Variants in MBOAT2 observed in about 807,000 individuals in gnomAD.
MBOAT2 encodes membrane-bound glycerophospholipid O-acyltransferase 2.
A neutral mutation model predicts 63.4 loss-of-function variants in MBOAT2; 28 were observed. The observed-to-expected ratio is 0.44, with a 90% CI of 0.33 to 0.61. MBOAT2 has a LOEUF of 0.61. Among genes scored for constraint, MBOAT2 ranks in the 20% least tolerant of loss-of-function variants. The probability of loss-of-function intolerance (pLI) is 0.03; values close to 1 mark genes in which losing one functional copy is unlikely to be tolerated. For missense variants in MBOAT2, 470 were observed against 605.8 expected (o/e 0.78, Z 2.35); for synonymous variants, 211 against 215.6 (o/e 0.98, Z 0.19).
intron 1 of MBOAT2, among the ~76,000 whole-genome samples, chr2:8,987,661 C>G (rs1212888473): frequency 6.6e-6 from 1 of 152,178 alleles, no homozygotes; most frequent in Non-Finnish European, 1.5e-5. Context: ...ACATGTCAGA[C>G]AGTGGATGCT....
Position 8,982,156 on chromosome 2 carries a change from A to C in MBOAT2, c.75+21384T>G, listed in dbSNP as rs1208405946. 5.3e-5 allele frequency among the ~76,000 whole-genome samples: 8 copies of C among 152,140 alleles called. No individual in the cohort carries two copies. The East Asian group carries it at 1.5e-3, about 29-fold the overall frequency. ...TCTCAATACAGTACCTGGCACATGAAAACGCTAATGTATGACCCACCATTA... is the reference window on the plus strand; with the variant it reads ...TCTCAATACAGTACCTGGCACATGACAACGCTAATGTATGACCCACCATTA... On this transcript the variant is annotated intron_variant, in intron 1 of 12. Transcript: ENST00000305997.
At chr2:8,918,287 A>T (rs1387235922) in intron 3 of MBOAT2, among the ~76,000 whole-genome samples, 1 of 152,242 alleles carries the variant, frequency 6.6e-6, no homozygotes, top group African/African-American at 2.4e-5. Context: ...ATTCCTTCTT[A>T]TCCTGGGGTC....
chr2:8,979,053 T>G (rs1239819958), intron 1 of MBOAT2, among the ~76,000 whole-genome samples: 1 of 152,144 alleles, frequency 6.6e-6, no homozygotes, highest in African/African-American at 2.4e-5. Context: ...GTCTTCAAAT[T>G]ATGCTTCTAA....
At chr2:8,915,940 T>A (rs1025771194) in intron 3 of MBOAT2, among the ~76,000 whole-genome samples, 1 of 152,190 alleles carries the variant, frequency 6.6e-6, no homozygotes, top group Non-Finnish European at 1.5e-5. Context: ...GGTATCCCCA[T>A]CACTGTCATC....
intron 4 of MBOAT2, among the ~76,000 whole-genome samples, chr2:8,898,179 T>C (rs1047307637): frequency 6.6e-6 from 1 of 152,186 alleles, no homozygotes; most frequent in Non-Finnish European, 1.5e-5. Flanking sequence ...TTTTGTCCTG[T>C]CGGAAGGCTT....
chr2:8,959,745 G>A (rs1048839067), intron 1 of MBOAT2, among the ~76,000 whole-genome samples: 7 of 152,134 alleles, frequency 4.6e-5, no homozygotes, highest in Admixed American at 2.6e-4. Context: ...TAATAGGCAT[G>A]AACAATCACA....
At chr2:8,968,735 C>T (rs1670205283) in intron 1 of MBOAT2, among the ~76,000 whole-genome samples, 1 of 152,106 alleles carries the variant, frequency 6.6e-6, no homozygotes. Flanking sequence ...GATGAATGCA[C>T]AAGCTTCAGT....
At chr2:8,948,406 G>A (rs1449702400) in intron 2 of MBOAT2, among the ~76,000 whole-genome samples, 1 of 152,112 alleles carries the variant, frequency 6.6e-6, no homozygotes, top group Non-Finnish European at 1.5e-5. Flanking sequence ...ATTCCATAAT[G>A]ATGAGGTTTA....
intron 4 of MBOAT2, among the ~76,000 whole-genome samples, chr2:8,903,077 C>T (rs533502843): frequency 1.4e-4 from 21 of 152,272 alleles, no homozygotes; most frequent in Admixed American, 5.2e-4. Flanking sequence ...GAGCTAGACA[C>T]AAAAGTTCTC....
intron 1 of MBOAT2, among the ~76,000 whole-genome samples, chr2:8,989,838 T>A (rs1020017713): frequency 1.2e-4 from 18 of 152,296 alleles, no homozygotes; most frequent in African/African-American, 4.1e-4. Context: ...ACAATCCAGA[T>A]AACCAACACC....
rs942408167 is a variant in MBOAT2, at chr2:8,854,058, G to A, written c.*4621C>T. 2 of 152,190 alleles carry A rather than the reference G, an allele frequency of 1.3e-5. No individual in the cohort carries two copies. The highest frequency in any genetic ancestry group is 2.9e-5 in the Non-Finnish European group (2 of 68,028). 9.4% of individuals were successfully genotyped at this position (152,190 alleles called of 1,614,324 possible). On this transcript the variant is annotated 3_prime_UTR_variant, in exon 13 of 13. Transcript: ENST00000305997. The stretch of plus-strand genomic sequence containing the variant: ...AAAGCAGCTTAAGCATTGATTATAA[G>A]AGCTTTCCTACAAAATACCGATGTG...
At chr2:8,916,485 G>C (rs528292818) in intron 3 of MBOAT2, among the ~76,000 whole-genome samples, 1 of 152,318 alleles carries the variant, frequency 6.6e-6, no homozygotes, top group Non-Finnish European at 1.5e-5. Flanking sequence ...GTTGGATATA[G>C]AGTGGAAATT....
chr2:8,998,990 TATA>T (rs1672502030), intron 1 of MBOAT2, among the ~76,000 whole-genome samples: 2 of 152,262 alleles, frequency 1.3e-5, no homozygotes, highest in Admixed American at 6.5e-5. Flanking sequence ...GATTAAATAA[TATA>T]ATCTGTGTGA....
chr2:8,860,690 T>C lies in MBOAT2; in HGVS notation c.1260A>G (p.Ile420Met). Reference protein sequence around the residue: ...LKLFYDVITWIVTQVAISYTV... With the variant: ...LKLFYDVITWMVTQVAISYTV... Reference sequence around the variant, plus strand: ...TGTAACTTATTGCTACTTGAGTTACTATCCATGTTATAACATCATAAAATA... The same window carrying C: ...TGTAACTTATTGCTACTTGAGTTACCATCCATGTTATAACATCATAAAATA... The change falls in exon 12 of 13, where the codon ATA (isoleucine) becomes ATG (methionine). Residue 420 changes from isoleucine (I) to methionine (M), a missense_variant. This residue lies in a region of MBOAT2 where 376 missense variants were observed against 503.8 expected (regional missense o/e 0.75). Coordinates refer to ENST00000305997, the MANE Select transcript of MBOAT2 (RefSeq NM_138799.4). The C allele has an allele frequency of 6.2e-7, 1 of 1,610,250 alleles. No individual in the cohort carries two copies. The highest frequency in any genetic ancestry group is 8.5e-7 in the Non-Finnish European group (1 of 1,176,866).
chr2:8,918,790 C>T (rs184846348), intron 3 of MBOAT2, among the ~76,000 whole-genome samples: 2 of 152,298 alleles, frequency 1.3e-5, no homozygotes, highest in Admixed American at 6.5e-5. Context: ...ATAATTCACA[C>T]ACCATGAAAT....
intron 1 of MBOAT2, among the ~76,000 whole-genome samples, chr2:8,973,707 T>C (rs369093783): frequency 2.6e-5 from 4 of 152,044 alleles, no homozygotes; most frequent in African/African-American, 9.7e-5. Flanking sequence ...TCACAAATGA[T>C]TCATTCCTAA....
chr2:8,988,054 T>A (rs978310033), intron 1 of MBOAT2, among the ~76,000 whole-genome samples: 1 of 152,222 alleles, frequency 6.6e-6, no homozygotes, highest in African/African-American at 2.4e-5. Flanking sequence ...CATATTTGCA[T>A]GTCATAAAAG....
intron 1 of MBOAT2, among the ~76,000 whole-genome samples, chr2:8,990,032 C>A: frequency 6.6e-6 from 1 of 152,222 alleles, no homozygotes; most frequent in East Asian, 1.9e-4. Flanking sequence ...AATCCACGAT[C>A]TTAGTCACTA....
chr2:8,930,326 C>T (rs563438449), intron 3 of MBOAT2, among the ~76,000 whole-genome samples: 13 of 152,212 alleles, frequency 8.5e-5, no homozygotes, highest in Admixed American at 5.9e-4. Flanking sequence ...TGAGAACATG[C>T]GGTGTTTGGT....
Sources: gnomAD v4.1 joint callset for allele counts (sites outside exome capture counted in the v4.1 genomes callset) on GRCh38, gnomAD v4.1.1 for gene constraint, gnomAD v4.1.1 regional missense constraint, MANE v1.5 for transcripts, NCBI Gene and HGNC (gene_info 2026-07-23, HGNC 2026-07-21) for gene names.